Variants in CUEDC1 observed in about 807,000 individuals in gnomAD.
CUEDC1 encodes CUE domain-containing protein 1.
CUEDC1 carries 30 observed loss-of-function variants against 43.7 expected under a neutral mutation model. The observed-to-expected ratio is 0.69, with a 90% CI of 0.51 to 0.93. The LOEUF (loss-of-function observed/expected upper bound fraction) is 0.93, where lower values mean the gene tolerates loss of function less well. Ranked by LOEUF, CUEDC1 falls within the 40% of genes least tolerant of loss-of-function variation. CUEDC1 has a pLI of 0.00. For synonymous variants in CUEDC1, 223 were observed against 223.6 expected, an observed-to-expected ratio of 1.00 and a Z score of 0.02; for missense variants, 486 against 549.0, an observed-to-expected ratio of 0.89 and a Z score of 1.15.
At chr17:57,873,519 C>T in intron 4 of CUEDC1, 72 bp downstream of exon 4, 1 of 1,460,632 alleles carries the variant, frequency 6.8e-7, no homozygotes. Context: ...AACTGGCTGG[C>T]ACAAATTGTG....
chr17:57,936,290 T>G, intron 1 of CUEDC1, among the ~76,000 whole-genome samples: 1 of 152,176 alleles, frequency 6.6e-6, no homozygotes, highest in East Asian at 1.9e-4. Context: ...GGCTCCACAT[T>G]CCTCCTTTGG....
intron 9 of CUEDC1, 55 bp downstream of exon 9, chr17:57,867,302 T>C (rs2144911122): frequency 6.6e-7 from 1 of 1,511,960 alleles, no homozygotes; most frequent in South Asian, 1.2e-5. Flanking sequence ...GGAACTCCGC[T>C]GGGAGATCAC....
At chr17:57,927,059 C>T (rs1047970152) in intron 1 of CUEDC1, among the ~76,000 whole-genome samples, 6 of 152,166 alleles carry the variant, frequency 3.9e-5, no homozygotes, top group African/African-American at 7.2e-5. Flanking sequence ...TAGGGATGGC[C>T]GGCCCTGCTG....
rs749594358 is a variant in CUEDC1, at chr17:57,885,422, T to G, written c.143A>C (p.Asn48Thr). 9 of 1,605,162 alleles carry G rather than the reference T, an allele frequency of 5.6e-6. No individual in the cohort carries two copies. The African/African-American group carries it at 1.1e-4, about 19-fold the overall frequency. The change falls in exon 2 of 11, where the codon AAC becomes ACC. Residue 48 changes from asparagine to threonine, a missense_variant. Asn to Thr is a moderately conservative substitution (Grantham distance 65). Coordinates refer to ENST00000577830, the MANE Select transcript of CUEDC1 (RefSeq NM_001271875.2). ...GGTCTTGAAGTCGTCCATGGCCTGG[T>G]TGAACTCCAGGCGGCGCACCTGGCG... Reference protein sequence around the residue: ...PARQVRRLEFNQAMDDFKTMF... With the variant: ...PARQVRRLEFTQAMDDFKTMF...
At chr17:57,939,225 C>G (rs553317894) in intron 1 of CUEDC1, among the ~76,000 whole-genome samples, 1 of 152,072 alleles carries the variant, frequency 6.6e-6, no homozygotes, top group African/African-American at 2.4e-5. Context: ...CCTTGGCCCC[C>G]CAAAGTGCTG....
chr17:57,881,551 T>A (rs8078972), intron 2 of CUEDC1, among the ~76,000 whole-genome samples: 5,678 of 152,218 alleles, frequency 0.037, 332 homozygotes, highest in African/African-American at 0.13. Context: ...ACCCCTCTTC[T>A]CTGAGGGATA....
rs1289919988 is a variant in CUEDC1 at position 57,954,417 on chromosome 17, C to A, written c.-316+808G>T. Among the ~76,000 whole-genome samples the A allele has an allele frequency of 6.6e-6, 1 of 152,186 alleles. No individual in the cohort carries two copies. Among genetic ancestry groups the A allele is most frequent in the Non-Finnish European group, 1.5e-5 (1 of 68,036 alleles). On this transcript the variant is annotated intron_variant, in intron 1 of 10. Transcript: ENST00000577830. The surrounding 1 kb of genome is among the most constrained non-coding windows in gnomAD (Gnocchi z 4.3). ...GTCTCAGGAATTTAATTTCAGTGTA[C>A]GTTTCTTAGAGCTAAAACTTTTTTT...
At chr17:57,938,504 G>A (rs1427602032) in intron 1 of CUEDC1, among the ~76,000 whole-genome samples, 1 of 152,058 alleles carries the variant, frequency 6.6e-6, no homozygotes, top group African/African-American at 2.4e-5. Flanking sequence ...GATTCCTAAT[G>A]AGAGAGCTGG....
intron 1 of CUEDC1, among the ~76,000 whole-genome samples, chr17:57,923,982 CT>C (rs928741124): frequency 4.7e-5 from 7 of 149,942 alleles, no homozygotes; most frequent in Admixed American, 1.3e-4. Context: ...CCTACTTCTA[CT>C]TTTTTTTTTG....
intron 1 of CUEDC1, among the ~76,000 whole-genome samples, chr17:57,898,099 A>G (rs2074432445): frequency 1.3e-5 from 2 of 152,232 alleles, no homozygotes; most frequent in Non-Finnish European, 1.5e-5. Context: ...TTCAATCCTA[A>G]GAATCCCAAC....
rs1284443168 is a variant in CUEDC1 at position 57,872,644 on chromosome 17, G to A, written c.784+19C>T. ...CTCCCTTCTTCAGCCAGGGAGAAGT[G>A]GCTGCAGGCGCTGCCCACCTCTCTC... On this transcript the variant is annotated intron_variant, in intron 5 of 10. Coordinates refer to ENST00000577830, the MANE Select transcript of CUEDC1 (RefSeq NM_001271875.2). The A allele has an allele frequency of 1.2e-6, 2 of 1,612,000 alleles. No individual in the cohort carries two copies. Among genetic ancestry groups the A allele is most frequent in the African/African-American group, 1.3e-5 (1 of 74,918 alleles).
At chr17:57,905,576 C>G (rs888808869) in intron 1 of CUEDC1, among the ~76,000 whole-genome samples, 1 of 152,190 alleles carries the variant, frequency 6.6e-6, no homozygotes, top group Admixed American at 6.5e-5. Flanking sequence ...CAGGCCCACG[C>G]GTGCAAAGCC....
chr17:57,927,051 GGGAT>G (rs2074754319), intron 1 of CUEDC1, among the ~76,000 whole-genome samples: 1 of 152,220 alleles, frequency 6.6e-6, no homozygotes. Flanking sequence ...ATTGTTTGTA[GGGAT>G]GGCCGGCCCT....
chr17:57,943,651 G>T (rs962915480), intron 1 of CUEDC1, among the ~76,000 whole-genome samples: 1 of 152,138 alleles, frequency 6.6e-6, no homozygotes, highest in Non-Finnish European at 1.5e-5. Flanking sequence ...GGGATAGGAG[G>T]GGAAAGAGTC....
chr17:57,863,931 G>C (rs1049844344), intron 10 of CUEDC1, among the ~76,000 whole-genome samples: 1 of 150,906 alleles, frequency 6.6e-6, no homozygotes, highest in African/African-American at 2.4e-5. Flanking sequence ...AACTTGAGAA[G>C]GGGAGGTTGC....
chr17:57,935,617 C>G (rs1359173572), intron 1 of CUEDC1, among the ~76,000 whole-genome samples: 1 of 152,130 alleles, frequency 6.6e-6, no homozygotes, highest in South Asian at 2.1e-4. Flanking sequence ...GTTTGAAAAG[C>G]CCCAGCAGGC....
intron 9 of CUEDC1, 126 bp from the exon 10 acceptor site, chr17:57,866,670 C>T: frequency 1.2e-6 from 1 of 864,178 alleles, no homozygotes; most frequent in Non-Finnish European, 1.8e-6. Flanking sequence ...CCATGCAGAT[C>T]CCCCCAGGTA....
rs2073874742 is a variant in CUEDC1 at position 57,861,696 on chromosome 17, A to T, written c.*1593T>A. The T allele has an allele frequency of 6.6e-6, 1 of 152,292 alleles. No homozygotes were observed. The highest frequency in any genetic ancestry group is 2.1e-4 in the South Asian group (1 of 4,834). The allele number at this position is 152,292 out of a possible 1,614,324, so 9.4% of individuals were successfully genotyped here. A position where few individuals can be genotyped will look rare whatever the true frequency, so the allele number is the denominator to read the frequency against. ...AAAAAAAATAACAAAGCAACACTCAACAGACATGGGGCTGGGGCTTCCCCC... is the reference window on the plus strand; with the variant it reads ...AAAAAAAATAACAAAGCAACACTCATCAGACATGGGGCTGGGGCTTCCCCC... On this transcript the variant is annotated 3_prime_UTR_variant, in exon 11 of 11. Coordinates refer to ENST00000577830, the MANE Select transcript of CUEDC1 (RefSeq NM_001271875.2).
intron 7 of CUEDC1, chr17:57,868,613 T>C (rs1230805090): frequency 8.4e-6 from 3 of 356,500 alleles, no homozygotes; most frequent in Non-Finnish European, 1.6e-5. Flanking sequence ...ACCTCCAAAG[T>C]TGGTTCTGGG....
Sources: allele counts gnomAD v4.1 joint callset (sites outside exome capture counted in the v4.1 genomes callset), GRCh38; gene constraint gnomAD v4.1.1; non-coding constraint Gnocchi (gnomAD v3.1); transcripts MANE v1.5; gene names NCBI Gene and HGNC (gene_info 2026-07-23, HGNC 2026-07-21).